Variants in MGAM observed in about 807,000 individuals in gnomAD.
MGAM encodes the protein maltase-glucoamylase.
MGAM carries 253 observed loss-of-function variants against 358.8 expected under a neutral mutation model. That is an observed-to-expected ratio of 0.71 (90% confidence interval 0.64 to 0.78). The LOEUF (loss-of-function observed/expected upper bound fraction) is 0.78. Among genes scored for constraint, MGAM ranks in the 30% least tolerant of loss-of-function variants. The probability of loss-of-function intolerance (pLI) is 0.00; values close to 1 mark genes in which losing one functional copy is unlikely to be tolerated. For missense variants in MGAM, 3,080 were observed against 3,432.6 expected (o/e 0.90, Z 2.57); for synonymous variants, 1,105 against 1,227.1 (o/e 0.90, Z 2.08).
intron 21 of MGAM, among the ~76,000 whole-genome samples, chr7:142,044,636 GTGTAATATATGATATATAATGTA>G (rs1563155027): frequency 1.4e-3 from 106 of 78,330 alleles, no homozygotes; most frequent in African/African-American, 3.4e-3. Context: ...TTATATACAC[GTGTAATATATGATATATAATGTA>G]TATTATATAC....
At chr7:142,065,922 G>T in intron 40 of MGAM, 91 bp downstream of exon 40, 4 of 1,059,780 alleles carry the variant, frequency 3.8e-6, no homozygotes, top group South Asian at 1.6e-5. Flanking sequence ...TCTATTTCCT[G>T]GGATATCTTT....
intron 21 of MGAM, among the ~76,000 whole-genome samples, chr7:142,045,530 TAA>T (rs1491093798): frequency 6.7e-5 from 6 of 89,186 alleles, no homozygotes; most frequent in South Asian, 3.1e-4. Context: ...ATATATGATA[TAA>T]TATATATTAT....
rs782453803 is a variant in MGAM at position 142,031,715 on chromosome 7, C to T, written c.1506C>T (p.Thr502=). 6.2e-7 allele frequency: 1 copy of T among 1,613,102 alleles called. No homozygotes were observed. The highest frequency in any genetic ancestry group is 8.5e-7 in the Non-Finnish European group (1 of 1,179,368). The part of the protein sequence containing the change: ...WPGQTVFPDY[T]NPNCAVWWTK... ...GACAAACTGTGTTTCCTGATTATAC[C>T]AATCCCAACTGTGCTGTTTGGTGGA... Residue 502 remains threonine, a synonymous_variant, in exon 13 of 71, where the codon ACC becomes ACT. Coordinates refer to ENST00000475668, the MANE Select transcript of MGAM (RefSeq NM_001365693.1).
chr7:142,062,100 C>T (rs553386421), intron 34 of MGAM, among the ~76,000 whole-genome samples: 4 of 152,304 alleles, frequency 2.6e-5, no homozygotes, highest in African/African-American at 9.6e-5. Context: ...GCGTACTTGT[C>T]TAATATCCAG....
rs369532082 is a variant in MGAM at position 142,064,550 on chromosome 7, G to T, written c.4484+28G>T. 24 of 1,561,744 alleles carry T rather than the reference G, an allele frequency of 1.5e-5. No homozygotes were observed. In the African/African-American group the frequency reaches 2.9e-4, roughly 19 times the overall value. On this transcript the variant is annotated intron_variant, in intron 37 of 70. Coordinates refer to ENST00000475668, the MANE Select transcript of MGAM (RefSeq NM_001365693.1). Reference sequence around the variant, plus strand: ...GAGTCTCCGTCTCCCTTCTCCAGCTGTCACAACCTATAGCGATTGCCAGTG... The same window carrying T: ...GAGTCTCCGTCTCCCTTCTCCAGCTTTCACAACCTATAGCGATTGCCAGTG...
Position 142,036,225 on chromosome 7 carries a change from G to C in MGAM, c.2016G>C (p.Arg672=), listed in dbSNP as rs1554465763. The C allele has an allele frequency of 6.2e-7, 1 of 1,612,470 alleles. No individual in the cohort carries two copies. Among genetic ancestry groups the C allele is most frequent in the East Asian group, 2.2e-5 (1 of 44,758 alleles). Residue 672 remains arginine (R), a synonymous_variant, in exon 17 of 71, where the codon CGG becomes CGC. Transcript: ENST00000475668. ...ALDTPEELCR[R]WMQLGAFYPF... ...ACACCCCTGAGGAGCTCTGTAGGCG[G>C]TGGATGCAGTTGGGTGCATTTTATC...
intron 32 of MGAM, 91 bp downstream of exon 32, chr7:142,059,691 T>G: frequency 6.3e-7 from 1 of 1,586,426 alleles, no homozygotes; most frequent in Non-Finnish European, 8.6e-7. Context: ...ATGTTGCAAG[T>G]AGATAAATTG....
intron 45 of MGAM, among the ~76,000 whole-genome samples, chr7:142,074,960 C>T (rs1322367245): frequency 6.8e-6 from 1 of 146,078 alleles, no homozygotes; most frequent in Non-Finnish European, 1.6e-5. Context: ...ACTTATTCAT[C>T]TAAGAACTGA....
intron 2 of MGAM, among the ~76,000 whole-genome samples, chr7:141,988,581 T>A (rs1368307255): frequency 6.6e-6 from 1 of 152,126 alleles, no homozygotes; most frequent in Admixed American, 6.5e-5. Context: ...ACCAGGCTGG[T>A]CTCGAACTCC....
At chr7:142,023,261 G>C (rs901433350) in intron 7 of MGAM, among the ~76,000 whole-genome samples, 1 of 151,754 alleles carries the variant, frequency 6.6e-6, no homozygotes, top group Non-Finnish European at 1.5e-5. Flanking sequence ...ACTGTGTTTC[G>C]CCATGTTGTT....
chr7:142,067,984 A>ATTTTT (rs1229871526), intron 42 of MGAM, among the ~76,000 whole-genome samples: 7 of 5,822 alleles, frequency 1.2e-3, no homozygotes, highest in African/African-American at 1.8e-3. Context: ...ATATATATAT[A>ATTTTT]TATTTTTTTT....
chr7:142,008,413 C>G (rs1805332036), intron 2 of MGAM, 93 bp from the exon 3 acceptor site: 1 of 1,337,266 alleles, frequency 7.5e-7, no homozygotes, highest in African/African-American at 1.5e-5. Context: ...GAAGCCTACT[C>G]AGTAGTGGAG....
At chr7:142,086,014 G>T in intron 55 of MGAM, 53 bp downstream of exon 55, 2 of 1,533,506 alleles carry the variant, frequency 1.3e-6, no homozygotes, top group African/African-American at 1.3e-5. Context: ...TATGGGTTTT[G>T]TTGGAGAAAG....
intron 21 of MGAM, 43 bp from the exon 22 acceptor site, chr7:142,047,742 T>C: frequency 6.4e-7 from 1 of 1,562,688 alleles, no homozygotes; most frequent in Non-Finnish European, 8.8e-7. Context: ...CTGGCAAAAT[T>C]CTCTGACTCC....
chr7:142,091,367 G>A lies in MGAM; in HGVS notation c.6811-546G>A, dbSNP rs1329346551. Among the ~76,000 whole-genome samples, 2 of 146,002 alleles carry A rather than the reference G, an allele frequency of 1.4e-5. 1 individual carries two copies. The highest frequency in any genetic ancestry group is 3.1e-5 in the Non-Finnish European group (2 of 64,536). On this transcript the variant is annotated intron_variant, in intron 57 of 70. Coordinates refer to ENST00000475668, the MANE Select transcript of MGAM (RefSeq NM_001365693.1). The stretch of plus-strand genomic sequence containing the variant: ...GGGGAAGTTGAAATGTCCTCTTTAA[G>A]TCCTCTCAATTTATCTTCCACACAG...
intron 22 of MGAM, 27 bp downstream of exon 22, chr7:142,047,900 G>GT (rs754824004): frequency 2.0e-5 from 31 of 1,543,508 alleles, no homozygotes; most frequent in Non-Finnish European, 2.8e-5. Context: ...TAATGTTGCT[G>GT]TTTCCCAACC....
At position 142,008,661 on chromosome 7, in the gene MGAM, G is replaced by A; in HGVS notation, c.283G>A (p.Glu95Lys). 6.2e-7 allele frequency: 1 copy of A among 1,613,462 alleles called. No homozygotes were observed. ...PVSAECPVVN[E>K]LERINCIPDQ... ...TTCTGCTGAATGTCCAGTGGTAAAT[G>A]AATTGGAACGAATTAATTGCATCCC... is the stretch of plus-strand genomic sequence containing the variant. The change falls in exon 3 of 71, where the codon GAA becomes AAA. Residue 95 changes from glutamate to lysine, a missense_variant. Physicochemically the swap from Glu to Lys is moderately conservative, Grantham distance 56. This residue lies in a region of MGAM where 1,816 missense variants were observed against 1,840.5 expected (regional missense o/e 0.99). Coordinates refer to ENST00000475668, the MANE Select transcript of MGAM (RefSeq NM_001365693.1).
Position 142,076,026 on chromosome 7 carries a change from T to C in MGAM, c.5276-177T>C, listed in dbSNP as rs371924879. Among the ~76,000 whole-genome samples, 17 of 146,416 alleles carry C rather than the reference T, an allele frequency of 1.2e-4. 3 individuals are homozygous for C. Among genetic ancestry groups the C allele is most frequent in the East Asian group, 1.0e-3 (5 of 4,980 alleles). ...AGCATTACTTGCAACAGCCAAGATA[T>C]GGAAACATTCTAAGTATACATTGAT... On this transcript the variant is annotated intron_variant, in intron 45 of 70. Transcript: ENST00000475668.
At chr7:142,054,948 T>C in intron 27 of MGAM, 40 bp downstream of exon 27, 1 of 1,601,852 alleles carries the variant, frequency 6.2e-7, no homozygotes, top group Non-Finnish European at 8.5e-7. Flanking sequence ...GATGGCTACC[T>C]GCGCCTTCGC....
Sources: gnomAD v4.1 joint callset for allele counts (sites outside exome capture counted in the v4.1 genomes callset) on GRCh38, gnomAD v4.1.1 for gene constraint, gnomAD v4.1.1 regional missense constraint, MANE v1.5 for transcripts, NCBI Gene and HGNC (gene_info 2026-07-23, HGNC 2026-07-21) for gene names.